The following RELN variants were observed in gnomAD, a reference collection of about 807,000 sequenced individuals.
The protein encoded by RELN is reelin.
In RELN, 108 loss-of-function variants were observed where a neutral mutation model predicts 427.6. That is an observed-to-expected ratio of 0.25 (90% CI 0.22 to 0.30). The LOEUF (loss-of-function observed/expected upper bound fraction) is 0.30, where lower values mean the gene tolerates loss of function less well. Ranked by LOEUF, RELN falls within the 10% of genes least tolerant of loss-of-function variation. The pLI is 1.00. For synonymous variants in RELN, 1,524 were observed against 1,513.4 expected (o/e 1.01, Z -0.16); for missense variants, 3,715 against 4,302.8 (o/e 0.86, Z 3.82).
chr7:103,752,900 T>C (rs776514355), intron 5 of RELN, among the ~76,000 whole-genome samples: 34 of 152,134 alleles, frequency 2.2e-4, no homozygotes, highest in Non-Finnish European at 1.3e-4. Context: ...TGGGGAAAAT[T>C]AAGCATTAGA....
At chr7:103,762,701 CCT>C (rs1251728448) in intron 4 of RELN, among the ~76,000 whole-genome samples, 2 of 152,200 alleles carry the variant, frequency 1.3e-5, no homozygotes, top group African/African-American at 2.4e-5. Flanking sequence ...CTAATCATCT[CCT>C]CTGTTCCTTT....
intron 1 of RELN, among the ~76,000 whole-genome samples, chr7:103,944,828 T>G (rs183968976): frequency 6.6e-6 from 1 of 152,240 alleles, no homozygotes; most frequent in African/African-American, 2.4e-5. Context: ...TGGCTACGCT[T>G]TGGGTGTTTG....
rs554972597 is a variant in RELN, at chr7:103,652,251, CT to C, written c.1763+299del. On this transcript the variant is annotated intron_variant, in intron 14 of 64. Coordinates refer to ENST00000428762, the MANE Select transcript of RELN (RefSeq NM_005045.4). Reference sequence around the variant, plus strand: ...AGGAGGTCAAGCTTTTTTTCAGTTGCTTTTTTTTTTTTTTCTCTCTTAGCAA... The same window carrying C: ...AGGAGGTCAAGCTTTTTTTCAGTTGCTTTTTTTTTTTTTCTCTCTTAGCAA... Among the ~76,000 whole-genome samples, 374 of 139,800 alleles carry C rather than the reference CT, an allele frequency of 2.7e-3. 1 individual carries two copies. Among genetic ancestry groups the C allele is most frequent in the East Asian group, 0.017 (82 of 4,798 alleles). The allele number at this position is 139,800 out of a possible 152,430, so 91.7% of individuals were successfully genotyped here.
At chr7:103,489,946 C>T in intron 59 of RELN, 47 bp from the exon 60 acceptor site, 1 of 1,610,054 alleles carries the variant, frequency 6.2e-7, no homozygotes, top group Non-Finnish European at 8.5e-7. Context: ...GTTGTTACTT[C>T]CATGGCTGCA....
chr7:103,933,953 G>T (rs1395533777), intron 1 of RELN, among the ~76,000 whole-genome samples: 2 of 152,190 alleles, frequency 1.3e-5, no homozygotes, highest in Non-Finnish European at 2.9e-5. Context: ...ACACACGAAG[G>T]GTTCTGTGGC....
chr7:103,970,256 C>T (rs1796737290), intron 1 of RELN, among the ~76,000 whole-genome samples: 1 of 151,806 alleles, frequency 6.6e-6, no homozygotes, highest in African/African-American at 2.4e-5. Flanking sequence ...GCTTCTCCTG[C>T]CTCAGCCTCC....
chr7:103,512,471 C>CTGAT (rs1323981212), intron 50 of RELN, among the ~76,000 whole-genome samples: 1 of 152,036 alleles, frequency 6.6e-6, no homozygotes, highest in Non-Finnish European at 1.5e-5. Context: ...ACTCCTAAAC[C>CTGAT]TGATTAACAG....
chr7:103,540,562 A>C, intron 43 of RELN, 107 bp from the exon 44 acceptor site: 1 of 986,644 alleles, frequency 1.0e-6, no homozygotes, highest in Non-Finnish European at 1.6e-6. Context: ...GGCCTCAATA[A>C]ATATGGCGAT....
chr7:103,774,572 T>C (rs991677062), intron 4 of RELN, among the ~76,000 whole-genome samples: 2 of 152,146 alleles, frequency 1.3e-5, no homozygotes, highest in African/African-American at 4.8e-5. Context: ...CTGCAATTGT[T>C]TTTCCTCTAA....
chr7:103,716,238 C>T (rs571759115), intron 8 of RELN, among the ~76,000 whole-genome samples: 58 of 152,278 alleles, frequency 3.8e-4, no homozygotes, highest in Non-Finnish European at 7.5e-4. Flanking sequence ...GACTTTCTAA[C>T]AAATTAAACT....
chr7:103,500,618 A>G, intron 53 of RELN, 127 bp downstream of exon 53: 1 of 857,192 alleles, frequency 1.2e-6, no homozygotes, highest in South Asian at 1.7e-5. Flanking sequence ...TAAAGTTTCT[A>G]TTCAAAGGAT....
chr7:103,853,945 A>G (rs1449804849), intron 2 of RELN, among the ~76,000 whole-genome samples: 1 of 152,048 alleles, frequency 6.6e-6, no homozygotes, highest in Non-Finnish European at 1.5e-5. Flanking sequence ...TTTAATGTAT[A>G]TTTTCAAAAA....
intron 20 of RELN, among the ~76,000 whole-genome samples, chr7:103,615,059 A>G (rs1832050008): frequency 6.6e-6 from 1 of 152,186 alleles, no homozygotes; most frequent in Non-Finnish European, 1.5e-5. Flanking sequence ...CAATCATAGG[A>G]ACAGAAAAGA....
chr7:103,904,615 G>C (rs1795155507), intron 2 of RELN, among the ~76,000 whole-genome samples: 1 of 152,152 alleles, frequency 6.6e-6, no homozygotes, highest in African/African-American at 2.4e-5. Flanking sequence ...TTATTAAGGA[G>C]TTAGGAAATG....
At chr7:103,965,751 T>C (rs1335621369) in intron 1 of RELN, among the ~76,000 whole-genome samples, 2 of 152,220 alleles carry the variant, frequency 1.3e-5, no homozygotes, top group Non-Finnish European at 2.9e-5. Flanking sequence ...AAGTCCTTTG[T>C]TTCATACAAA....
intron 19 of RELN, among the ~76,000 whole-genome samples, chr7:103,630,867 T>TTTG (rs1832446294): frequency 2.7e-5 from 4 of 149,352 alleles, no homozygotes; most frequent in Admixed American, 2.7e-4. Flanking sequence ...TTTGTTTTTT[T>TTTG]TTTTTTTGTT....
chr7:103,520,827 G>A (rs973914303), intron 48 of RELN, among the ~76,000 whole-genome samples: 3 of 151,874 alleles, frequency 2.0e-5, no homozygotes, highest in Admixed American at 2.0e-4. Flanking sequence ...ATTATAAAAA[G>A]CCTACATGCT....
intron 1 of RELN, among the ~76,000 whole-genome samples, chr7:103,963,987 C>T (rs1796613093): frequency 3.3e-5 from 5 of 151,948 alleles, no homozygotes; most frequent in Admixed American, 3.3e-4. Context: ...CAGAGAAACC[C>T]CATTTCTATA....
intron 2 of RELN, among the ~76,000 whole-genome samples, chr7:103,873,484 G>A (rs1476814497): frequency 1.2e-5 from 1 of 85,536 alleles, no homozygotes; most frequent in South Asian, 6.1e-4. Flanking sequence ...AAAAAAGAGA[G>A]AAGAATCAAA....
Sources: gnomAD v4.1 joint callset for allele counts (sites outside exome capture counted in the v4.1 genomes callset) on GRCh38, gnomAD v4.1.1 for gene constraint, MANE v1.5 for transcripts, NCBI Gene and HGNC (gene_info 2026-07-23, HGNC 2026-07-21) for gene names.